The following USH2A variants were observed in gnomAD, a reference collection of about 807,000 sequenced individuals.
The protein encoded by USH2A is usherin.
In USH2A, 443 loss-of-function variants were observed where a neutral mutation model predicts 538.9. That is an observed-to-expected ratio of 0.82 (90% CI 0.76 to 0.89). USH2A has a LOEUF of 0.89. USH2A is among the 40% of genes least tolerant of loss of function. USH2A has a pLI of 0.00. For missense variants in USH2A, 6,633 were observed against 6,324.8 expected, an observed-to-expected ratio of 1.05 and a Z score of -1.65; for synonymous variants, 2,413 against 2,273.5, an observed-to-expected ratio of 1.06 and a Z score of -1.75.
intron 4 of USH2A, among the ~76,000 whole-genome samples, chr1:216,329,733 A>T (rs2037816719): frequency 6.6e-6 from 1 of 151,942 alleles, no homozygotes; most frequent in African/African-American, 2.4e-5. Flanking sequence ...CTAATGTCTC[A>T]GCTTTGAAAT....
At chr1:216,407,983 A>G (rs1353409736) in intron 3 of USH2A, among the ~76,000 whole-genome samples, 3 of 151,974 alleles carry the variant, frequency 2.0e-5, no homozygotes, top group Non-Finnish European at 2.9e-5. Context: ...GCAATTTTCA[A>G]TTTTAGTAGT....
intron 20 of USH2A, among the ~76,000 whole-genome samples, chr1:216,187,168 C>A (rs1004729721): frequency 1.3e-5 from 2 of 151,750 alleles, no homozygotes; most frequent in African/African-American, 4.8e-5. Flanking sequence ...ACTCAGTCTC[C>A]CAAATCAAAA....
At chr1:216,418,793 T>C (rs2039623556) in intron 2 of USH2A, 114 bp from the exon 3 acceptor site, 9 of 1,090,606 alleles carry the variant, frequency 8.3e-6, no homozygotes, top group Non-Finnish European at 1.3e-5. Context: ...CTCAAAATGG[T>C]GTACTATGAA....
intron 44 of USH2A, among the ~76,000 whole-genome samples, chr1:215,856,749 T>C (rs1182687098): frequency 1.3e-5 from 2 of 152,104 alleles, no homozygotes; most frequent in Non-Finnish European, 2.9e-5. Context: ...TACACATGCA[T>C]GTTTATAGCA....
rs188799219 is a variant in USH2A, at chr1:216,039,759, T to G, written c.6325+6672A>C. 1.8e-4 allele frequency among the ~76,000 whole-genome samples: 27 copies of G among 152,118 alleles called. No homozygotes were observed. The East Asian group carries it at 5.2e-3, about 29-fold the overall frequency. ...CGGATAGAAGTGCCTAACCTTTAAA[T>G]GTGTTTTTATTGTGCCATAAGCAAT... On this transcript the variant is annotated intron_variant, in intron 32 of 71. Coordinates refer to ENST00000307340, the MANE Select transcript of USH2A (RefSeq NM_206933.4).
At chr1:216,023,999 A>G (rs1668905616) in intron 32 of USH2A, among the ~76,000 whole-genome samples, 1 of 152,130 alleles carries the variant, frequency 6.6e-6, no homozygotes, top group South Asian at 2.1e-4. Flanking sequence ...ATTGTTATAT[A>G]AGTTTCACTT....
intron 38 of USH2A, among the ~76,000 whole-genome samples, chr1:215,923,752 T>G (rs61828487): frequency 6.6e-6 from 1 of 151,944 alleles, no homozygotes; most frequent in Non-Finnish European, 1.5e-5. Context: ...AAGAGCATGA[T>G]AGTAATCATT....
At chr1:215,909,558 G>A (rs753728948) in intron 38 of USH2A, among the ~76,000 whole-genome samples, 29 of 151,886 alleles carry the variant, frequency 1.9e-4, no homozygotes, top group Admixed American at 6.6e-5. Flanking sequence ...CCTTCTGCCC[G>A]ATGTTGCTGT....
chr1:215,939,940 A>G (rs1666595725), intron 37 of USH2A, among the ~76,000 whole-genome samples: 1 of 152,120 alleles, frequency 6.6e-6, no homozygotes, highest in Non-Finnish European at 1.5e-5. Context: ...CCTGTACAGT[A>G]TCATAACACA....
chr1:215,785,943 A>T (rs112507072), intron 52 of USH2A, among the ~76,000 whole-genome samples: 77 of 150,046 alleles, frequency 5.1e-4, no homozygotes, highest in African/African-American at 1.9e-3. Context: ...ACACACACAC[A>T]CACACACACA....
Position 216,231,952 on chromosome 1 carries a change from C to T in USH2A, c.2993+1G>A. 6.2e-7 allele frequency: 1 copy of T among 1,613,868 alleles called. No homozygotes were observed. The highest frequency in any genetic ancestry group is 8.5e-7 in the Non-Finnish European group (1 of 1,179,814). On this transcript the variant is annotated splice_donor_variant, in intron 14 of 71. Transcript: ENST00000307340. LOFTEE classifies it high-confidence loss of function. ...AATTATTAAAGCTTATAAAGATGTA[C>T]CTTCCAGTCTGAGGATCAAATCCAA...
At position 215,782,707 on chromosome 1, in the gene USH2A, T is replaced by C. The variant is rs771297554; in HGVS notation, c.10585+31A>G. ...ATTTTCTTATGAATTTATGGGATTT[T>C]GTTATTTGTATTTTAAAGGTATCTC... On this transcript the variant is annotated intron_variant, in intron 53 of 71. Transcript: ENST00000307340. The C allele has an allele frequency of 5.6e-6, 9 of 1,606,444 alleles. No homozygotes were observed. The South Asian group carries it at 7.7e-5, about 14-fold the overall frequency.
chr1:215,717,734 C>T (rs1231785986), intron 61 of USH2A, among the ~76,000 whole-genome samples: 1 of 152,044 alleles, frequency 6.6e-6, no homozygotes, highest in Non-Finnish European at 1.5e-5. Flanking sequence ...GTGTCTTGGC[C>T]CTCAATTGCA....
chr1:215,658,041 C>A (rs978784721), intron 64 of USH2A, among the ~76,000 whole-genome samples: 1 of 149,488 alleles, frequency 6.7e-6, no homozygotes, highest in African/African-American at 2.5e-5. Flanking sequence ...TCACACTATT[C>A]TCCTGCCTCA....
At chr1:215,814,250 T>C (rs910227270) in intron 48 of USH2A, among the ~76,000 whole-genome samples, 28 of 147,176 alleles carry the variant, frequency 1.9e-4, no homozygotes, top group Non-Finnish European at 3.5e-4. Context: ...GTATATCTTA[T>C]ATCTTACACA....
intron 40 of USH2A, among the ~76,000 whole-genome samples, chr1:215,889,768 A>G (rs1337874094): frequency 6.6e-6 from 1 of 152,186 alleles, no homozygotes; most frequent in Admixed American, 6.5e-5. Flanking sequence ...ATACTGAAAA[A>G]GGCCCACCAT....
In USH2A at chr1:215,950,019, T is replaced by G. The variant is rs564051218; in HGVS notation, c.7121-15224A>C. ...CAACCTACCATTTTTATCTATCAAA[T>G]GCATATAACTACAGACAGATGAACA... On this transcript the variant is annotated intron_variant, in intron 37 of 71. Transcript: ENST00000307340. 2.3e-3 allele frequency among the ~76,000 whole-genome samples: 351 copies of G among 152,240 alleles called. 2 individuals carry two copies. The highest frequency in any genetic ancestry group is 8.3e-3 in the African/African-American group (344 of 41,568).
intron 61 of USH2A, among the ~76,000 whole-genome samples, chr1:215,715,739 T>C (rs1857227): frequency 0.014 from 2,169 of 152,322 alleles, 59 homozygotes; most frequent in African/African-American, 0.047. Flanking sequence ...AACACGCTGC[T>C]GGCATTTACT....
intron 3 of USH2A, among the ~76,000 whole-genome samples, chr1:216,398,750 C>CA (rs1294413372): frequency 6.6e-6 from 1 of 152,190 alleles, no homozygotes; most frequent in Admixed American, 6.5e-5. Flanking sequence ...CAGAAGCAGT[C>CA]AGTGTTCCAA....
Sources: allele counts gnomAD v4.1 joint callset (sites outside exome capture counted in the v4.1 genomes callset), GRCh38; gene constraint gnomAD v4.1.1; transcripts MANE v1.5; gene names NCBI Gene and HGNC (gene_info 2026-07-23, HGNC 2026-07-21).